The following FANCD2 variants were observed in gnomAD, a reference collection of about 807,000 sequenced individuals.
FANCD2 encodes the protein Fanconi anemia group D2 protein.
In FANCD2, 131 loss-of-function variants were observed where a neutral mutation model predicts 192.3. The ratio of observed to expected loss-of-function variants is 0.68; its 90% CI spans 0.59 to 0.79. The LOEUF (loss-of-function observed/expected upper bound fraction) is 0.79, where lower values mean the gene tolerates loss of function less well. Among genes scored for constraint, FANCD2 ranks in the 30% least tolerant of loss-of-function variants. FANCD2 has a pLI of 0.00. For synonymous variants in FANCD2, 524 were observed against 612.5 expected, an observed-to-expected ratio of 0.86 and a Z score of 2.13; for missense variants, 1,508 against 1,701.6, an observed-to-expected ratio of 0.89 and a Z score of 2.00.
intron 39 of FANCD2, among the ~76,000 whole-genome samples, chr3:10,093,634 G>T (rs1010361334): frequency 6.6e-6 from 1 of 152,196 alleles, no homozygotes; most frequent in Non-Finnish European, 1.5e-5. Context: ...GAGGAAGGAG[G>T]AGTAGATGAT....
Position 10,065,915 on chromosome 3 carries a change from T to C in FANCD2, c.2321T>C (p.Met774Thr), listed in dbSNP as rs773944524. Residue 774 changes from methionine (M) to threonine (T), a missense_variant, in exon 25 of 44, where the codon ATG becomes ACG. Around this residue, in one of 5 missense-constraint regions of FANCD2, gnomAD observed 796 missense variants for 879.4 expected, o/e 0.91. Transcript: ENST00000675286. Reference protein sequence around the residue: ...DLEPGEKLESMSAKERSFMCS... With the variant: ...DLEPGEKLESTSAKERSFMCS... Reference sequence around the variant, plus strand: ...GAGCCTGGAGAGAAGTTGGAGTCCATGTCTGCTAAAGAGCGTTCATTCATG... The same window carrying C: ...GAGCCTGGAGAGAAGTTGGAGTCCACGTCTGCTAAAGAGCGTTCATTCATG... 4 of 1,613,824 alleles carry C rather than the reference T, an allele frequency of 2.5e-6. No homozygotes were observed. The South Asian group carries it at 3.3e-5, about 13-fold the overall frequency.
At chr3:10,079,905 T>C (rs1693738947) in intron 30 of FANCD2, among the ~76,000 whole-genome samples, 1 of 152,026 alleles carries the variant, frequency 6.6e-6, no homozygotes, top group Non-Finnish European at 1.5e-5. Context: ...CTTGATTCAT[T>C]TTTCTTCTTC....
At chr3:10,070,961 A>G (rs1317653697) in intron 26 of FANCD2, among the ~76,000 whole-genome samples, 3 of 146,820 alleles carry the variant, frequency 2.0e-5, no homozygotes, top group Admixed American at 6.8e-5. Flanking sequence ...ACCACTCCCT[A>G]ATCTCAAGTA....
In FANCD2 at chr3:10,034,789, A is replaced by T. The variant is rs1267187796; in HGVS notation, c.368A>T (p.Glu123Val). 1 of 1,555,794 alleles carries T rather than the reference A, an allele frequency of 6.4e-7. No individual in the cohort carries two copies. The highest frequency in any genetic ancestry group is 2.0e-5 in the Admixed American group (1 of 51,260). The change falls in exon 5 of 44, where the codon GAG becomes GTG. Residue 123 changes from glutamate (E) to valine (V), a missense_variant. Physicochemically the swap from Glu to Val is moderately radical, Grantham distance 121. Transcript: ENST00000675286. ...CLLSCERLQD[E>V]EASMGASYSK... ...TTGTCTTGTGAGCGTCTGCAGGATG[A>T]GGAAGCCAGGTGTGGAGAGGAGGCA...
At chr3:10,087,059 C>A in intron 33 of FANCD2, 75 bp from the exon 34 acceptor site, 2 of 1,529,404 alleles carry the variant, frequency 1.3e-6, no homozygotes, top group Admixed American at 1.7e-5. Context: ...GACTTGGGCA[C>A]GTCATGTGGA....
chr3:10,062,026 G>A, intron 19 of FANCD2, 125 bp from the exon 20 acceptor site: 3 of 595,316 alleles, frequency 5.0e-6, no homozygotes, highest in Non-Finnish European at 9.1e-6. Flanking sequence ...GCTAAATGAC[G>A]AGTTAATGGG....
chr3:10,047,969 A>G lies in FANCD2; in HGVS notation c.1331A>G (p.His444Arg), dbSNP rs1559378836. 1 of 1,613,898 alleles carries G rather than the reference A, an allele frequency of 6.2e-7. No individual in the cohort carries two copies. The highest frequency in any genetic ancestry group is 1.1e-5 in the South Asian group (1 of 91,072). ...CTGTCGCTGGCTCAGAGTTTGCTTC[A>G]CTCTCTAGACCAGAGTATAATTTCA... ...SILSLAQSLL[H>R]SLDQSIISFG... The change falls in exon 16 of 44, where the codon CAC (histidine) becomes CGC (arginine). Residue 444 changes from histidine (H) to arginine (R), a missense_variant. Coordinates refer to ENST00000675286, the MANE Select transcript of FANCD2 (RefSeq NM_001018115.3).
chr3:10,048,830 T>C (rs1465398541), intron 16 of FANCD2, among the ~76,000 whole-genome samples: 1 of 152,294 alleles, frequency 6.6e-6, no homozygotes, highest in Non-Finnish European at 1.5e-5. Context: ...GAGGTAGCTG[T>C]TGCAGTTGAA....
intron 26 of FANCD2, among the ~76,000 whole-genome samples, chr3:10,068,863 C>T (rs2087791778): frequency 6.6e-6 from 1 of 152,152 alleles, no homozygotes; most frequent in African/African-American, 2.4e-5. Flanking sequence ...AACTCATTCT[C>T]AGCAAAGGTG....
chr3:10,089,140 C>A (rs967370241), intron 36 of FANCD2, among the ~76,000 whole-genome samples, 190 bp downstream of exon 36: 5 of 152,038 alleles, frequency 3.3e-5, no homozygotes, highest in Admixed American at 1.3e-4. Flanking sequence ...CAAAAATTAG[C>A]CGGGCGTGGT....
Position 10,101,528 on chromosome 3 carries a change from G to A in FANCD2, c.*266G>A, listed in dbSNP as rs1256510503. 8.9e-6 allele frequency: 4 copies of A among 449,740 alleles called. No homozygotes were observed. The highest frequency in any genetic ancestry group is 1.6e-5 in the Non-Finnish European group (4 of 243,868). The allele number at this position is 449,740 out of a possible 1,614,324, so 27.9% of individuals were successfully genotyped here. On this transcript the variant is annotated 3_prime_UTR_variant, in exon 44 of 44. Coordinates refer to ENST00000675286, the MANE Select transcript of FANCD2 (RefSeq NM_001018115.3). ...AGCCTCCTGAGTAGCTGGGACGACA[G>A]GCACATGCCACCATGCCCAGCTAAT...
chr3:10,063,182 C>G (rs1009261407), intron 20 of FANCD2, among the ~76,000 whole-genome samples: 2 of 152,210 alleles, frequency 1.3e-5, no homozygotes, highest in South Asian at 2.1e-4. Context: ...CGATTGTAAT[C>G]CTAGCACTTT....
chr3:10,040,531 T>C, intron 9 of FANCD2: 1 of 456,714 alleles, frequency 2.2e-6, no homozygotes, highest in Non-Finnish European at 4.4e-6. Context: ...TTCTTTGGGT[T>C]CCTAGGTGAT....
chr3:10,027,778 G>A (rs528089305), intron 1 of FANCD2, among the ~76,000 whole-genome samples: 2 of 151,918 alleles, frequency 1.3e-5, no homozygotes, highest in Admixed American at 6.6e-5. Context: ...GGTGGCGGGC[G>A]CCTGTAGTCC....
rs532765216 is a variant in FANCD2 at position 10,036,086 on chromosome 3, C to CTTTT, written c.439-185_439-182dup. Among the ~76,000 whole-genome samples the CTTTT allele has an allele frequency of 1.0e-3, 105 of 102,568 alleles. 1 individual carries two copies. The highest frequency in any genetic ancestry group is 2.5e-3 in the South Asian group (8 of 3,254). 67.3% of individuals were successfully genotyped at this position (102,568 alleles called of 152,430 possible). A position where few individuals can be genotyped will look rare whatever the true frequency, so the allele number is the denominator to read the frequency against. Reference sequence around the variant, plus strand: ...TAGTTGGAAAGAGAATTATACATTTCTTTTTTTTTTTTTTTTTTTGAGTCA... The same window carrying CTTTT: ...TAGTTGGAAAGAGAATTATACATTTCTTTTTTTTTTTTTTTTTTTTTTTGAGTCA... On this transcript the variant is annotated intron_variant, in intron 6 of 43. Transcript: ENST00000675286.
chr3:10,051,497 A>G (rs2087216235), intron 17 of FANCD2, among the ~76,000 whole-genome samples: 1 of 150,162 alleles, frequency 6.7e-6, no homozygotes, highest in African/African-American at 2.4e-5. Context: ...CAATTAGGAT[A>G]CCTCTGGTAA....
chr3:10,058,281 C>A, intron 18 of FANCD2: 1 of 181,978 alleles, frequency 5.5e-6, no homozygotes, highest in South Asian at 1.1e-4. Flanking sequence ...TTCTCAGCAT[C>A]ACCCATATAT....
At chr3:10,047,196 G>A (rs2087045191) in intron 15 of FANCD2, among the ~76,000 whole-genome samples, 1 of 152,292 alleles carries the variant, frequency 6.6e-6, no homozygotes, top group Non-Finnish European at 1.5e-5. Flanking sequence ...ATACCTCGCT[G>A]GGTCTTAAAT....
intron 9 of FANCD2, chr3:10,040,877 A>C: frequency 4.9e-6 from 1 of 205,742 alleles, no homozygotes; most frequent in Non-Finnish European, 9.8e-6. Flanking sequence ...CTCCTTTTGT[A>C]TAGTCTTTTT....
Sources: gnomAD v4.1 joint callset for allele counts (sites outside exome capture counted in the v4.1 genomes callset) on GRCh38, gnomAD v4.1.1 for gene constraint, gnomAD v4.1.1 regional missense constraint, MANE v1.5 for transcripts, NCBI Gene and HGNC (gene_info 2026-07-23, HGNC 2026-07-21) for gene names.